The following SBF2 variants were observed in gnomAD, a reference collection of about 807,000 sequenced individuals.
SBF2 encodes myotubularin-related protein 13.
A neutral mutation model predicts 225.2 loss-of-function variants in SBF2; 112 were observed. The ratio of observed to expected loss-of-function variants is 0.50; its 90% CI spans 0.43 to 0.58. The LOEUF is 0.58. SBF2 is among the 20% of genes least tolerant of loss of function. The probability of loss-of-function intolerance (pLI) is 0.00; values close to 1 mark genes in which losing one functional copy is unlikely to be tolerated. For missense variants in SBF2, 1,996 were observed against 2,206.2 expected, an observed-to-expected ratio of 0.90 and a Z score of 1.91; for synonymous variants, 763 against 773.3, an observed-to-expected ratio of 0.99 and a Z score of 0.22.
At chr11:10,037,285 C>T (rs937189766) in intron 3 of SBF2, among the ~76,000 whole-genome samples, 2 of 152,098 alleles carry the variant, frequency 1.3e-5, no homozygotes, top group African/African-American at 4.8e-5. Flanking sequence ...TCAGAATACA[C>T]AAGTCTCCCA....
At chr11:10,259,541 T>C (rs1294204244) in intron 1 of SBF2, among the ~76,000 whole-genome samples, 1 of 152,226 alleles carries the variant, frequency 6.6e-6, no homozygotes, top group African/African-American at 2.4e-5. Flanking sequence ...TTTCAAAAAA[T>C]GTATTAGTAC....
At chr11:10,058,684 CAAG>C (rs1446532097) in intron 2 of SBF2, among the ~76,000 whole-genome samples, 2 of 152,078 alleles carry the variant, frequency 1.3e-5, no homozygotes, top group Non-Finnish European at 2.9e-5. Flanking sequence ...ACATTCTACA[CAAG>C]AAGATCATCC....
intron 27 of SBF2, among the ~76,000 whole-genome samples, chr11:9,829,823 T>A (rs145404331): frequency 6.6e-6 from 1 of 152,248 alleles, no homozygotes; most frequent in Admixed American, 6.5e-5. Flanking sequence ...CTTCTCATTA[T>A]CCAAGCAACT....
intron 1 of SBF2, among the ~76,000 whole-genome samples, chr11:10,237,177 T>C (rs1959105993): frequency 1.3e-5 from 2 of 152,058 alleles, no homozygotes; most frequent in South Asian, 4.2e-4. Flanking sequence ...CAAAACCCCA[T>C]CTCTACTAAA....
At chr11:10,301,945 TG>T (rs1964602350) in intron 1 of SBF2, among the ~76,000 whole-genome samples, 2 of 152,248 alleles carry the variant, frequency 1.3e-5, no homozygotes, top group African/African-American at 2.4e-5. Context: ...TTTGAAATTC[TG>T]GAGCACACAA....
chr11:10,087,604 T>C (rs1312151050), intron 2 of SBF2, among the ~76,000 whole-genome samples: 1 of 152,250 alleles, frequency 6.6e-6, no homozygotes, highest in Non-Finnish European at 1.5e-5. Context: ...ACAGGTTTTA[T>C]CAAAAACAGT....
At chr11:10,041,373 A>G (rs1451076438) in intron 3 of SBF2, among the ~76,000 whole-genome samples, 9 of 152,160 alleles carry the variant, frequency 5.9e-5, no homozygotes, top group African/African-American at 2.2e-4. Context: ...CATTGATAAC[A>G]TACAGTAATC....
chr11:10,018,197 T>C (rs902935418), intron 6 of SBF2, among the ~76,000 whole-genome samples: 3 of 152,154 alleles, frequency 2.0e-5, no homozygotes, highest in Admixed American at 6.5e-5. Flanking sequence ...TCTGCCACTA[T>C]TACATTATTA....
Position 10,002,583 on chromosome 11 carries a change from T to A in SBF2, c.726A>T (p.Glu242Asp). 6.2e-7 allele frequency: 1 copy of A among 1,612,766 alleles called. No individual in the cohort carries two copies. The highest frequency in any genetic ancestry group is 8.5e-7 in the Non-Finnish European group (1 of 1,178,878). The change falls in exon 7 of 40, where the codon GAA (glutamate) becomes GAT (aspartate). Residue 242 changes from glutamate to aspartate, a missense_variant. Glu to Asp is a conservative substitution (Grantham distance 45, BLOSUM62 2). Coordinates refer to ENST00000256190, the MANE Select transcript of SBF2 (RefSeq NM_030962.4). ...QRLSDACRAL[E>D]SLMFPLKYSY... ...TATATTTAAGAGGAAACATTAAAGA[T>A]TCCAGGGCTCTACAAGCATCACTAA...
chr11:10,130,629 C>A (rs999478592), intron 2 of SBF2, among the ~76,000 whole-genome samples: 17 of 152,096 alleles, frequency 1.1e-4, no homozygotes, highest in African/African-American at 3.6e-4. Flanking sequence ...CCATCACAAT[C>A]AATAAATAAA....
intron 6 of SBF2, among the ~76,000 whole-genome samples, chr11:10,027,259 G>A (rs1949087060): frequency 6.6e-6 from 1 of 152,148 alleles, no homozygotes; most frequent in African/African-American, 2.4e-5. Context: ...CATGAGAAGA[G>A]GCAAATGTAG....
chr11:10,171,968 T>A (rs1437390056), intron 2 of SBF2, among the ~76,000 whole-genome samples: 1 of 152,214 alleles, frequency 6.6e-6, no homozygotes, highest in East Asian at 1.9e-4. Context: ...GTCCTTTGAA[T>A]ATCTGCAGTA....
At chr11:9,782,927 AAGCCT>A (rs1852123457) in intron 38 of SBF2, 1 of 152,112 alleles carries the variant, frequency 6.6e-6, no homozygotes, top group African/African-American at 2.4e-5. Flanking sequence ...GCTAGGGAAT[AAGCCT>A]TATTGGGCCA....
chr11:10,217,799 T>C (rs1036465361), intron 1 of SBF2, among the ~76,000 whole-genome samples: 19 of 152,116 alleles, frequency 1.2e-4, no homozygotes, highest in Admixed American at 1.2e-3. Flanking sequence ...TGACCGAGAC[T>C]GGTTAATTTA....
intron 17 of SBF2, among the ~76,000 whole-genome samples, chr11:9,874,539 A>T (rs1056280642): frequency 6.6e-6 from 1 of 152,224 alleles, no homozygotes; most frequent in Non-Finnish European, 1.5e-5. Context: ...TGACCAAATA[A>T]AGACTCAAAT....
chr11:10,217,794 G>A (rs1263859604), intron 1 of SBF2, among the ~76,000 whole-genome samples: 7 of 152,094 alleles, frequency 4.6e-5, no homozygotes, highest in South Asian at 2.1e-4. Flanking sequence ...AAACATGACC[G>A]AGACTGGTTA....
At chr11:10,269,617 T>G (rs1423483532) in intron 1 of SBF2, among the ~76,000 whole-genome samples, 2 of 152,202 alleles carry the variant, frequency 1.3e-5, no homozygotes, top group Non-Finnish European at 2.9e-5. Context: ...TCACAACATC[T>G]CTATGAGGTA....
chr11:10,126,901 G>GA (rs951267045), intron 2 of SBF2, among the ~76,000 whole-genome samples: 2 of 152,146 alleles, frequency 1.3e-5, no homozygotes, highest in East Asian at 3.9e-4. Flanking sequence ...GATGACCCTT[G>GA]AAGTCATTAC....
At chr11:10,140,163 G>A (rs1954572336) in intron 2 of SBF2, among the ~76,000 whole-genome samples, 1 of 152,132 alleles carries the variant, frequency 6.6e-6, no homozygotes, top group African/African-American at 2.4e-5. Flanking sequence ...TATTTGGTCT[G>A]TGACTAGAAA....
Sources: gnomAD v4.1 joint callset for allele counts (sites outside exome capture counted in the v4.1 genomes callset) on GRCh38, gnomAD v4.1.1 for gene constraint, MANE v1.5 for transcripts, NCBI Gene and HGNC (gene_info 2026-07-23, HGNC 2026-07-21) for gene names.